DLG2: variants seen among roughly 807,000 people sequenced by gnomAD.
DLG2 encodes discs large MAGUK scaffold protein 2.
A neutral mutation model predicts 132.5 loss-of-function variants in DLG2; 45 were observed. The observed-to-expected ratio is 0.34, with a 90% CI of 0.27 to 0.44. DLG2 has a LOEUF of 0.44. Ranked by LOEUF, DLG2 falls within the 20% of genes least tolerant of loss-of-function variation. The probability of loss-of-function intolerance (pLI) is 1.00; values close to 1 mark genes in which losing one functional copy is unlikely to be tolerated. For missense variants in DLG2, 1,045 were observed against 1,196.9 expected, an observed-to-expected ratio of 0.87 and a Z score of 1.87; for synonymous variants, 424 against 419.6, an observed-to-expected ratio of 1.01 and a Z score of -0.13.
chr11:83,633,783 A>ACACACAC lies in DLG2; in HGVS notation c.1826-459_1826-458insGTGTGTG, dbSNP rs1566161363. Among the ~76,000 whole-genome samples, 20 of 102,170 alleles carry ACACACAC rather than the reference A, an allele frequency of 2.0e-4. No homozygotes were observed. In the East Asian group the frequency reaches 5.1e-3, roughly 26 times the overall value. 67.0% of individuals were successfully genotyped at this position (102,170 alleles called of 152,430 possible). ...ACACACACACACACACACACACACAACTGCGGAAAATCTGAATAATATCGA... is the reference window on the plus strand; with the variant it reads ...ACACACACACACACACACACACACAACACACACCTGCGGAAAATCTGAATAATATCGA... On this transcript the variant is annotated intron_variant, in intron 18 of 27. Coordinates refer to ENST00000376104, the MANE Select transcript of DLG2 (RefSeq NM_001142699.3).
intron 14 of DLG2, among the ~76,000 whole-genome samples, chr11:83,941,555 C>A (rs1456025929): frequency 6.6e-6 from 1 of 152,012 alleles, no homozygotes; most frequent in Non-Finnish European, 1.5e-5. Flanking sequence ...GCCCTCATGA[C>A]TGGCTAATTT....
chr11:83,932,076 T>C (rs2080348983), intron 14 of DLG2, among the ~76,000 whole-genome samples: 1 of 152,190 alleles, frequency 6.6e-6, no homozygotes, highest in Admixed American at 6.5e-5. Flanking sequence ...TCTCAGAAGA[T>C]GAGTAGATGA....
intron 7 of DLG2, among the ~76,000 whole-genome samples, chr11:84,453,640 C>CTT (rs2099057566): frequency 6.6e-6 from 1 of 151,598 alleles, no homozygotes; most frequent in Non-Finnish European, 1.5e-5. Context: ...TACTTAACTA[C>CTT]TTATCTTATT....
intron 19 of DLG2, among the ~76,000 whole-genome samples, chr11:83,551,989 C>T (rs1393596029): frequency 1.3e-5 from 2 of 152,116 alleles, no homozygotes; most frequent in African/African-American, 4.8e-5. Flanking sequence ...CATTTTCATT[C>T]AGCAAATACT....
chr11:85,026,693 C>A (rs572779506), intron 6 of DLG2, among the ~76,000 whole-genome samples: 1 of 151,830 alleles, frequency 6.6e-6, no homozygotes, highest in African/African-American at 2.4e-5. Flanking sequence ...ACAAATTAGC[C>A]GGGCGTGGTG....
At chr11:83,581,593 A>G (rs1008155552) in intron 19 of DLG2, among the ~76,000 whole-genome samples, 2 of 152,186 alleles carry the variant, frequency 1.3e-5, no homozygotes, top group Non-Finnish European at 2.9e-5. Context: ...ACAGGTGAAA[A>G]TAGATATGAT....
intron 3 of DLG2, among the ~76,000 whole-genome samples, chr11:85,377,514 A>G (rs2085497448): frequency 6.6e-6 from 1 of 152,182 alleles, no homozygotes; most frequent in Admixed American, 6.5e-5. Flanking sequence ...GCCCTGTTAA[A>G]TAAAATAACC....
At chr11:83,975,591 C>T (rs753192602) in intron 12 of DLG2, among the ~76,000 whole-genome samples, 9 of 151,774 alleles carry the variant, frequency 5.9e-5, no homozygotes, top group African/African-American at 1.5e-4. Flanking sequence ...TATACTATTA[C>T]ATGGAATTTT....
intron 16 of DLG2, among the ~76,000 whole-genome samples, chr11:83,842,816 CAA>C (rs1259239219): frequency 6.3e-4 from 43 of 68,372 alleles, no homozygotes; most frequent in Middle Eastern, 9.8e-3. Context: ...ACTCTGTCTC[CAA>C]AAAAAAAAAA....
chr11:85,188,208 C>T (rs77134301), intron 4 of DLG2, among the ~76,000 whole-genome samples: 12,555 of 152,162 alleles, frequency 0.083, 648 homozygotes, highest in African/African-American at 0.14. Flanking sequence ...CTTGCTGATT[C>T]AAGATATTTA....
chr11:84,525,304 A>C (rs905164596), intron 7 of DLG2, among the ~76,000 whole-genome samples: 2 of 152,162 alleles, frequency 1.3e-5, no homozygotes, highest in African/African-American at 2.4e-5. Context: ...ACATAAACTC[A>C]GAAATTATCC....
At chr11:84,169,706 C>G (rs949696164) in intron 8 of DLG2, among the ~76,000 whole-genome samples, 2 of 151,740 alleles carry the variant, frequency 1.3e-5, no homozygotes, top group Non-Finnish European at 2.9e-5. Flanking sequence ...AACCCCATCT[C>G]TACTAAAAAT....
chr11:84,131,131 A>C (rs1049128906), intron 9 of DLG2, among the ~76,000 whole-genome samples: 2 of 151,948 alleles, frequency 1.3e-5, no homozygotes, highest in African/African-American at 4.8e-5. Flanking sequence ...ATAAGTGGTA[A>C]AGCTGGTTTT....
intron 16 of DLG2, among the ~76,000 whole-genome samples, chr11:83,854,051 AC>A (rs776710645): frequency 1.2e-4 from 18 of 152,308 alleles, no homozygotes; most frequent in Non-Finnish European, 2.5e-4. Flanking sequence ...AAGGATTAGT[AC>A]AAAAAAGCCA....
At chr11:84,185,443 G>A (rs2096255792) in intron 8 of DLG2, among the ~76,000 whole-genome samples, 1 of 152,150 alleles carries the variant, frequency 6.6e-6, no homozygotes, top group Admixed American at 6.6e-5. Flanking sequence ...CTTTGCTGAA[G>A]TTGCTTATCA....
At chr11:84,896,418 T>C (rs4550245) in intron 6 of DLG2, among the ~76,000 whole-genome samples, 14,710 of 152,070 alleles carry the variant, frequency 0.097, 943 homozygotes, top group African/African-American at 0.18. Flanking sequence ...GTTGTTGATA[T>C]ACTCATCAAC....
intron 6 of DLG2, among the ~76,000 whole-genome samples, chr11:84,554,603 G>A (rs947619370): frequency 1.8e-4 from 28 of 152,106 alleles, no homozygotes; most frequent in South Asian, 6.3e-4. Flanking sequence ...AAAATTAGCC[G>A]GGCATGGTGG....
intron 7 of DLG2, among the ~76,000 whole-genome samples, chr11:84,423,463 G>C (rs536000816): frequency 6.6e-6 from 1 of 152,202 alleles, no homozygotes; most frequent in Admixed American, 6.5e-5. Context: ...TATCATCTAA[G>C]ATGGACTACT....
At chr11:84,989,076 T>A (rs899328781) in intron 6 of DLG2, among the ~76,000 whole-genome samples, 8 of 151,926 alleles carry the variant, frequency 5.3e-5, no homozygotes, top group African/African-American at 1.9e-4. Context: ...ACACAAAAAT[T>A]AAAAATACAC....
Sources: gnomAD v4.1 joint callset for allele counts (sites outside exome capture counted in the v4.1 genomes callset) on GRCh38, gnomAD v4.1.1 for gene constraint, MANE v1.5 for transcripts, NCBI Gene and HGNC (gene_info 2026-07-23, HGNC 2026-07-21) for gene names.